The following ASIC2 variants were observed in gnomAD, a reference collection of about 807,000 sequenced individuals.
The protein encoded by ASIC2 is acid sensing ion channel subunit 2, also known as acid-sensing ion channel 2.
Under a neutral mutation model 57.3 loss-of-function variants are expected in ASIC2, and 25 were observed. The ratio of observed to expected loss-of-function variants is 0.44; its 90% confidence interval spans 0.32 to 0.61. The LOEUF is 0.61. Among genes scored for constraint, ASIC2 ranks in the 20% least tolerant of loss-of-function variants. The pLI is 0.06. For synonymous variants in ASIC2, 319 were observed against 307.5 expected, an observed-to-expected ratio of 1.04 and a Z score of -0.39; for missense variants, 641 against 738.1, an observed-to-expected ratio of 0.87 and a Z score of 1.52.
intron 5 of ASIC2, among the ~76,000 whole-genome samples, chr17:33,025,106 T>C (rs531996696): frequency 2.6e-5 from 4 of 152,290 alleles, no homozygotes; most frequent in Admixed American, 2.0e-4. Context: ...CTAGTCCTCC[T>C]GGAGGTATCT....
intron 1 of ASIC2, among the ~76,000 whole-genome samples, chr17:33,896,487 G>C (rs1372831262): frequency 6.6e-6 from 1 of 150,664 alleles, no homozygotes; most frequent in Non-Finnish European, 1.5e-5. Flanking sequence ...TTCATTGTCA[G>C]TCCTCAGCTG....
chr17:33,476,034 G>A (rs1913209280), intron 1 of ASIC2, among the ~76,000 whole-genome samples: 1 of 152,202 alleles, frequency 6.6e-6, no homozygotes, highest in Admixed American at 6.5e-5. Context: ...ACTAAGTAAG[G>A]AAAAGCATGA....
chr17:33,418,020 ATGTATGTATGTG>A (rs1203675460), intron 1 of ASIC2, among the ~76,000 whole-genome samples: 53 of 117,644 alleles, frequency 4.5e-4, no homozygotes, highest in African/African-American at 2.0e-3. Flanking sequence ...GGCTCTCAGC[ATGTATGTATGTG>A]TGTGTGTGTG....
intron 2 of ASIC2, among the ~76,000 whole-genome samples, chr17:33,106,232 A>G (rs1043070003): frequency 5.3e-5 from 8 of 152,210 alleles, no homozygotes; most frequent in African/African-American, 1.9e-4. Flanking sequence ...ATAGGAGCTG[A>G]GGAAGCTGGA....
chr17:33,794,683 C>T (rs1038968167), intron 1 of ASIC2: 1 of 152,220 alleles, frequency 6.6e-6, no homozygotes, highest in African/African-American at 2.4e-5. Context: ...GTGAGCCCTC[C>T]GAGGCCATTA....
chr17:33,257,463 A>T (rs535692674), intron 1 of ASIC2, among the ~76,000 whole-genome samples: 1 of 152,224 alleles, frequency 6.6e-6, no homozygotes, highest in Non-Finnish European at 1.5e-5. Context: ...TTTAGTATAT[A>T]GGCGAAGTGG....
intron 1 of ASIC2, among the ~76,000 whole-genome samples, chr17:33,419,401 G>A (rs560562003): frequency 1.3e-5 from 2 of 152,306 alleles, no homozygotes; most frequent in South Asian, 2.1e-4. Flanking sequence ...ATTCCCAGGC[G>A]GCACAAAGCT....
intron 1 of ASIC2, among the ~76,000 whole-genome samples, chr17:33,823,577 G>A (rs150089565): frequency 1.3e-5 from 2 of 152,288 alleles, no homozygotes; most frequent in Admixed American, 1.3e-4. Context: ...TACACTGATA[G>A]TGTCTCTTCT....
intron 1 of ASIC2, among the ~76,000 whole-genome samples, chr17:33,116,435 T>G (rs997125684): frequency 1.3e-5 from 2 of 152,234 alleles, no homozygotes; most frequent in African/African-American, 4.8e-5. Flanking sequence ...ACTGTCAGGT[T>G]GAGCTCACTG....
chr17:33,257,730 C>T (rs1909131025), intron 1 of ASIC2, among the ~76,000 whole-genome samples: 1 of 152,192 alleles, frequency 6.6e-6, no homozygotes, highest in African/African-American at 2.4e-5. Context: ...GGTCCTGTGA[C>T]ATTCAGAGAA....
intron 1 of ASIC2, among the ~76,000 whole-genome samples, chr17:33,703,846 T>C (rs1260136017): frequency 6.6e-5 from 10 of 152,146 alleles, no homozygotes; most frequent in Admixed American, 6.5e-4. Context: ...CCCCCTTAGC[T>C]AGGTGGGCCA....
intron 1 of ASIC2, among the ~76,000 whole-genome samples, chr17:33,574,377 A>C (rs1567655533): frequency 6.6e-6 from 1 of 152,068 alleles, no homozygotes; most frequent in Non-Finnish European, 1.5e-5. Flanking sequence ...TGTCCATTTT[A>C]CTATTGAGTT....
chr17:33,834,298 A>C (rs1567729142), intron 1 of ASIC2: 1 of 152,222 alleles, frequency 6.6e-6, no homozygotes, highest in Admixed American at 6.5e-5. Context: ...GTAGCTATCC[A>C]TGAAGAGTGC....
At chr17:33,438,647 A>G (rs1001955023) in intron 1 of ASIC2, among the ~76,000 whole-genome samples, 3 of 151,900 alleles carry the variant, frequency 2.0e-5, no homozygotes, top group Non-Finnish European at 4.4e-5. Context: ...TTTCCTTCCT[A>G]TGTTTCCTCT....
At chr17:33,841,070 A>G (rs543434968) in intron 1 of ASIC2, among the ~76,000 whole-genome samples, 135 of 152,362 alleles carry the variant, frequency 8.9e-4, no homozygotes, top group African/African-American at 2.9e-3. Flanking sequence ...AAAAGACTCA[A>G]CTGTGAGACA....
intron 1 of ASIC2, among the ~76,000 whole-genome samples, chr17:33,976,225 A>C (rs1323404782): frequency 6.6e-6 from 1 of 151,828 alleles, no homozygotes; most frequent in Non-Finnish European, 1.5e-5. Flanking sequence ...TGAGTTTAAC[A>C]ATATGATTCA....
At chr17:33,233,545 CACACACACACACAT>C (rs772320492) in intron 1 of ASIC2, among the ~76,000 whole-genome samples, 25 of 108,166 alleles carry the variant, frequency 2.3e-4, no homozygotes, top group East Asian at 1.5e-3. Flanking sequence ...CACACACACA[CACACACACACACAT>C]GGCATAAGCA....
chr17:33,689,476 A>C (rs1908299558), intron 1 of ASIC2, among the ~76,000 whole-genome samples: 1 of 152,220 alleles, frequency 6.6e-6, no homozygotes, highest in Non-Finnish European at 1.5e-5. Flanking sequence ...TCAGAGACTT[A>C]GACTCAGTAA....
At chr17:34,084,885 T>C (rs910916654) in intron 1 of ASIC2, among the ~76,000 whole-genome samples, 2 of 152,206 alleles carry the variant, frequency 1.3e-5, no homozygotes, top group Non-Finnish European at 2.9e-5. Flanking sequence ...TGCACATTGA[T>C]TTTGTATCCT....
Sources: gnomAD v4.1 joint callset for allele counts (sites outside exome capture counted in the v4.1 genomes callset) on GRCh38, gnomAD v4.1.1 for gene constraint, MANE v1.5 for transcripts, NCBI Gene and HGNC (gene_info 2026-07-23, HGNC 2026-07-21) for gene names.